The following ELF1 variants were observed in gnomAD, a reference collection of about 807,000 sequenced individuals.
ELF1 encodes E74 like ETS transcription factor 1.
Under a neutral mutation model 59.9 loss-of-function variants are expected in ELF1, and 24 were observed. The observed-to-expected ratio is 0.40, with a 90% confidence interval of 0.29 to 0.56. The LOEUF (loss-of-function observed/expected upper bound fraction) is 0.56, where lower values mean the gene tolerates loss of function less well. Among genes scored for constraint, ELF1 ranks in the 20% least tolerant of loss-of-function variants. The probability of loss-of-function intolerance (pLI) is 0.44; values close to 1 mark genes in which losing one functional copy is unlikely to be tolerated. For missense variants in ELF1, 627 were observed against 742.2 expected (o/e 0.84, Z 1.80); for synonymous variants, 248 against 266.2 (o/e 0.93, Z 0.67).
At chr13:41,034,394 G>A (rs186293547) in intron 1 of ELF1, among the ~76,000 whole-genome samples, 1 of 152,204 alleles carries the variant, frequency 6.6e-6, no homozygotes, top group Admixed American at 6.5e-5. Context: ...GTTAACATCA[G>A]TGGACACTGG....
chr13:40,932,014 C>T lies in ELF1; in HGVS notation c.*1411G>A, dbSNP rs1250829018. ...CACTTATTCTTTAAGAAACTTTTGC[C>T]TGAAAACAGACACTGAGAATTTTTA... is the stretch of plus-strand genomic sequence containing the variant. On this transcript the variant is annotated 3_prime_UTR_variant, in exon 9 of 9. Transcript: ENST00000239882. 6.6e-6 allele frequency: 1 copy of T among 152,046 alleles called. No individual in the cohort carries two copies. Among genetic ancestry groups the T allele is most frequent in the African/African-American group, 2.4e-5 (1 of 41,402 alleles). 9.4% of individuals were successfully genotyped at this position (152,046 alleles called of 1,614,324 possible).
chr13:41,028,568 G>A (rs1037594167), intron 1 of ELF1, among the ~76,000 whole-genome samples: 5 of 152,106 alleles, frequency 3.3e-5, no homozygotes, highest in African/African-American at 1.2e-4. Context: ...AGGGAAATGA[G>A]GATTTTAACT....
intron 1 of ELF1, among the ~76,000 whole-genome samples, chr13:41,046,551 T>C (rs958766385): frequency 3.9e-5 from 6 of 152,170 alleles, no homozygotes; most frequent in Admixed American, 2.6e-4. Flanking sequence ...TGAAGCTTAG[T>C]TTGGCTGGAT....
chr13:40,974,037 T>A (rs937770291), intron 2 of ELF1, among the ~76,000 whole-genome samples: 2 of 152,218 alleles, frequency 1.3e-5, no homozygotes, highest in African/African-American at 4.8e-5. Context: ...GAATAGGTCA[T>A]GACTGCTAAC....
At chr13:41,019,401 C>T (rs1298902056), upstream of ELF1, 4 of 985,140 alleles carry the variant, frequency 4.1e-6, no homozygotes, top group Non-Finnish European at 3.6e-6. Flanking sequence ...TTGCTGTGGA[C>T]CCAATTATTC....
Position 40,933,499 on chromosome 13 carries a change from C to T in ELF1, c.1786G>A (p.Val596Met), listed in dbSNP as rs1869544298. 2 of 1,614,138 alleles carry T rather than the reference C, an allele frequency of 1.2e-6. No individual in the cohort carries two copies. Among genetic ancestry groups the T allele is most frequent in the Non-Finnish European group, 8.5e-7 (1 of 1,180,058 alleles). The change falls in exon 9 of 9, where the codon GTG (valine) becomes ATG (methionine). Residue 596 changes from valine (V) to methionine (M), a missense_variant. By Grantham distance (21) the Val-to-Met change is conservative. This residue lies in a region of ELF1 where 361 missense variants were observed against 396.1 expected (regional missense o/e 0.91). Coordinates refer to ENST00000239882, the MANE Select transcript of ELF1 (RefSeq NM_172373.4). ...EQQPQPYVMV[V>M]SSSNGFTSQV... is the part of the protein sequence containing the mutation. ...GAAGTAAATCCATTGGAACTGGACA[C>T]TACCATCACATAAGGCTGTGGCTGC...
chr13:41,022,403 T>C (rs1254125233), upstream of ELF1, among the ~76,000 whole-genome samples: 2 of 151,754 alleles, frequency 1.3e-5, no homozygotes, highest in African/African-American at 4.8e-5. Context: ...GGGCTGGAAA[T>C]GAGGGGAGGG....
intron 1 of ELF1, among the ~76,000 whole-genome samples, chr13:41,042,650 A>G (rs1423708518): frequency 6.6e-6 from 1 of 151,988 alleles, no homozygotes; most frequent in Non-Finnish European, 1.5e-5. Context: ...ATCCTTTTTT[A>G]TGGCTGCATA....
chr13:41,027,604 A>T (rs1157820433), intron 1 of ELF1, among the ~76,000 whole-genome samples: 1 of 152,232 alleles, frequency 6.6e-6, no homozygotes, highest in African/African-American at 2.4e-5. Flanking sequence ...CAGAAGGGGC[A>T]GCAGTTTGTT....
At chr13:40,948,914 G>A (rs958057692) in intron 5 of ELF1, among the ~76,000 whole-genome samples, 7 of 152,116 alleles carry the variant, frequency 4.6e-5, no homozygotes, top group African/African-American at 1.2e-4. Flanking sequence ...AAAATTTGAG[G>A]CTTTAAAAAG....
At chr13:41,003,101 T>C (rs937898593) in intron 1 of ELF1, among the ~76,000 whole-genome samples, 11 of 152,218 alleles carry the variant, frequency 7.2e-5, no homozygotes, top group Admixed American at 2.6e-4. Flanking sequence ...GAATTTCACA[T>C]GATGCATGTA....
intron 8 of ELF1, among the ~76,000 whole-genome samples, chr13:40,939,544 AACCAGAC>A (rs1309902293): frequency 2.0e-5 from 3 of 152,210 alleles, no homozygotes; most frequent in Non-Finnish European, 4.4e-5. Flanking sequence ...ACACACTCCC[AACCAGAC>A]ACCCAGTCAT....
At chr13:41,037,018 G>A (rs1462311890) in intron 1 of ELF1, among the ~76,000 whole-genome samples, 1 of 151,938 alleles carries the variant, frequency 6.6e-6, no homozygotes, top group African/African-American at 2.4e-5. Context: ...ACGAGTTAAT[G>A]GGTGCAGCAC....
At chr13:41,055,390 T>C (rs1253053554) in intron 1 of ELF1, among the ~76,000 whole-genome samples, 1 of 151,108 alleles carries the variant, frequency 6.6e-6, no homozygotes, top group Admixed American at 6.7e-5. Flanking sequence ...CTTGTCCCCA[T>C]CCCTGTCTCT....
At chr13:41,008,070 G>C (rs974156589) in intron 1 of ELF1, among the ~76,000 whole-genome samples, 16 of 152,136 alleles carry the variant, frequency 1.1e-4, no homozygotes, top group African/African-American at 3.1e-4. Flanking sequence ...TTGAAGAAGA[G>C]TAAAAACTAT....
At chr13:40,998,613 TTAGA>T (rs1375701354) in intron 1 of ELF1, among the ~76,000 whole-genome samples, 3 of 152,244 alleles carry the variant, frequency 2.0e-5, no homozygotes, top group Non-Finnish European at 4.4e-5. Flanking sequence ...TGTACAAATC[TTAGA>T]TAGAAGCAAA....
Position 40,933,918 on chromosome 13 carries a change from TC to T in ELF1, c.1366del (p.Asp456IlefsTer22). ...CTGAGATCCAGTACCTGCTGATGGA[TC>T]TGTGCTGGCTATAACTGTTGTGAGT... ...VPLTTVIAST[D>X]PSAGTGSQKF... is the part of the protein sequence containing the mutation. On this transcript the variant is annotated frameshift_variant, in exon 9 of 9. Transcript: ENST00000239882. LOFTEE classifies it high-confidence loss of function. The T allele has an allele frequency of 6.2e-7, 1 of 1,614,250 alleles. No individual in the cohort carries two copies. Among genetic ancestry groups the T allele is most frequent in the Non-Finnish European group, 8.5e-7 (1 of 1,180,036 alleles).
intron 1 of ELF1, among the ~76,000 whole-genome samples, chr13:41,040,767 A>G (rs995277254): frequency 2.1e-4 from 32 of 152,180 alleles, no homozygotes; most frequent in African/African-American, 7.2e-4. Context: ...ACGGATGGGT[A>G]CAAGTCTGCA....
chr13:40,940,412 A>C (rs1268384701), intron 8 of ELF1, among the ~76,000 whole-genome samples: 5 of 96,142 alleles, frequency 5.2e-5, no homozygotes, highest in Non-Finnish European at 8.0e-5. Context: ...AAAAAAAAAA[A>C]AAAAAACAAA....
Sources: allele counts gnomAD v4.1 joint callset (sites outside exome capture counted in the v4.1 genomes callset), GRCh38; gene constraint gnomAD v4.1.1; regional missense constraint gnomAD v4.1.1; transcripts MANE v1.5; gene names NCBI Gene and HGNC (gene_info 2026-07-23, HGNC 2026-07-21).